Variants in DLG2 observed in about 807,000 individuals in gnomAD.
DLG2 encodes disks large homolog 2.
In DLG2, 45 loss-of-function variants were observed where a neutral mutation model predicts 132.5. The ratio of observed to expected loss-of-function variants is 0.34; its 90% CI spans 0.27 to 0.44. The LOEUF (loss-of-function observed/expected upper bound fraction) is 0.44. Ranked by LOEUF, DLG2 falls within the 20% of genes least tolerant of loss-of-function variation. The pLI is 1.00. For synonymous variants in DLG2, 424 were observed against 419.6 expected, an observed-to-expected ratio of 1.01 and a Z score of -0.13; for missense variants, 1,045 against 1,196.9, an observed-to-expected ratio of 0.87 and a Z score of 1.87.
rs183419265 is a variant in DLG2 at position 83,750,453 on chromosome 11, C to T, written c.1825+36237G>A. 4.8e-3 allele frequency among the ~76,000 whole-genome samples: 727 copies of T among 152,236 alleles called. 2 individuals are homozygous for T. Among genetic ancestry groups the T allele is most frequent in the Non-Finnish European group, 7.4e-3 (505 of 68,006 alleles). ...CCAAATGTAGAATAATAGGACTTTT[C>T]GATTAGATAATTATGCAGTTCAGTT... On this transcript the variant is annotated intron_variant, in intron 18 of 27. Transcript: ENST00000376104.
At chr11:83,648,632 A>C (rs1002510975) in intron 18 of DLG2, among the ~76,000 whole-genome samples, 3 of 152,180 alleles carry the variant, frequency 2.0e-5, no homozygotes, top group East Asian at 3.9e-4. Context: ...GGGAAGGGAT[A>C]AAAGAGCTTT....
intron 6 of DLG2, among the ~76,000 whole-genome samples, chr11:84,993,129 C>T (rs1436798838): frequency 6.6e-6 from 1 of 152,134 alleles, no homozygotes; most frequent in Non-Finnish European, 1.5e-5. Flanking sequence ...TTTGCAGGGA[C>T]ATGGATGAAG....
chr11:84,598,316 A>G (rs1030467222), intron 6 of DLG2, among the ~76,000 whole-genome samples: 1 of 152,110 alleles, frequency 6.6e-6, no homozygotes, highest in African/African-American at 2.4e-5. Context: ...ACAAATTATA[A>G]ATTTGGGCAA....
At chr11:83,995,978 A>T (rs920796415) in intron 11 of DLG2, among the ~76,000 whole-genome samples, 4 of 152,142 alleles carry the variant, frequency 2.6e-5, no homozygotes, top group African/African-American at 9.7e-5. Flanking sequence ...GACAAATGGG[A>T]TCACAACAAG....
Position 83,541,726 on chromosome 11 carries a change from C to T in DLG2, c.2073G>A (p.Leu691=), listed in dbSNP as rs377740540. The change falls in exon 20 of 28, where the codon CTG becomes CTA. Residue 691 remains leucine (L), a synonymous_variant. Coordinates refer to ENST00000376104, the MANE Select transcript of DLG2 (RefSeq NM_001142699.3). Reference sequence around the variant, plus strand: ...CCCCCATCTCCTCACTGTCTCCCTCCAGCATGACTCTCCTGGCTTGCCACC... The same window carrying T: ...CCCCCATCTCCTCACTGTCTCCCTCTAGCATGACTCTCCTGGCTTGCCACC... The part of the protein sequence containing the change: ...DEWWQARRVM[L]EGDSEEMGVI... The T allele has an allele frequency of 9.3e-6, 15 of 1,612,532 alleles. No individual in the cohort carries two copies. In the African/African-American group the frequency reaches 1.9e-4, roughly 20 times the overall value.
chr11:84,779,254 C>T (rs1042982930), intron 6 of DLG2, among the ~76,000 whole-genome samples: 5 of 151,956 alleles, frequency 3.3e-5, no homozygotes, highest in African/African-American at 4.8e-5. Context: ...CCTATTAGTT[C>T]GGTCCCTCTG....
intron 6 of DLG2, among the ~76,000 whole-genome samples, chr11:84,582,438 A>G (rs1035504792): frequency 2.0e-5 from 3 of 148,818 alleles, no homozygotes; most frequent in Non-Finnish European, 3.0e-5. Flanking sequence ...GTTAAAATAC[A>G]TATATATTAT....
At chr11:85,013,777 T>C (rs1252849164) in intron 6 of DLG2, among the ~76,000 whole-genome samples, 1 of 152,192 alleles carries the variant, frequency 6.6e-6, no homozygotes, top group African/African-American at 2.4e-5. Flanking sequence ...TTTAGAAATC[T>C]AGTGAAAAAA....
intron 5 of DLG2, among the ~76,000 whole-genome samples, chr11:85,121,235 T>G (rs2074274210): frequency 6.6e-6 from 1 of 151,986 alleles, no homozygotes; most frequent in African/African-American, 2.4e-5. Flanking sequence ...TTAAAAAAAT[T>G]ATATTATTTC....
intron 19 of DLG2, among the ~76,000 whole-genome samples, chr11:83,551,125 C>T (rs1355554919): frequency 6.6e-6 from 1 of 152,058 alleles, no homozygotes; most frequent in Admixed American, 6.6e-5. Flanking sequence ...ACCTGGGCTT[C>T]TGTATATGAA....
intron 18 of DLG2, among the ~76,000 whole-genome samples, chr11:83,670,566 T>A (rs2076665534): frequency 6.6e-6 from 1 of 151,772 alleles, no homozygotes; most frequent in Admixed American, 6.6e-5. Context: ...TTTTAAGATG[T>A]AAGAAAATTC....
At chr11:84,435,150 T>C (rs2098996865) in intron 7 of DLG2, among the ~76,000 whole-genome samples, 1 of 152,162 alleles carries the variant, frequency 6.6e-6, no homozygotes, top group Admixed American at 6.5e-5. Context: ...CATGCCCCAC[T>C]GTTTTGCAAC....
At chr11:85,030,651 C>T (rs1053718008) in intron 6 of DLG2, among the ~76,000 whole-genome samples, 13 of 152,064 alleles carry the variant, frequency 8.5e-5, no homozygotes, top group Admixed American at 6.5e-4. Flanking sequence ...AATTGGAAAT[C>T]GCTGCCAACT....
intron 3 of DLG2, among the ~76,000 whole-genome samples, chr11:85,347,967 CTTTTTTTTTTTTTTTT>C (rs35083224): frequency 2.5e-4 from 10 of 40,400 alleles, no homozygotes; most frequent in South Asian, 9.6e-4. Context: ...CCACACTTAA[CTTTTTTTTTTTTTTTT>C]TTTTTTTTTT....
At chr11:83,995,472 C>A (rs1360163601) in intron 11 of DLG2, among the ~76,000 whole-genome samples, 1 of 152,064 alleles carries the variant, frequency 6.6e-6, no homozygotes, top group African/African-American at 2.4e-5. Flanking sequence ...TGGTCTCCCT[C>A]CATTTTCCTT....
At chr11:84,982,630 C>A (rs1207567894) in intron 6 of DLG2, among the ~76,000 whole-genome samples, 2 of 151,880 alleles carry the variant, frequency 1.3e-5, no homozygotes, top group Non-Finnish European at 2.9e-5. Flanking sequence ...GGAAACACAG[C>A]CAGAAAATAT....
intron 6 of DLG2, among the ~76,000 whole-genome samples, chr11:84,725,839 T>A (rs1171096006): frequency 1.3e-5 from 2 of 151,820 alleles, no homozygotes; most frequent in African/African-American, 2.4e-5. Context: ...GTGTCACTTG[T>A]CTGATTTTTT....
At chr11:84,387,785 C>G (rs2098776811) in intron 7 of DLG2, among the ~76,000 whole-genome samples, 1 of 152,074 alleles carries the variant, frequency 6.6e-6, no homozygotes, top group Non-Finnish European at 1.5e-5. Context: ...CTCAGAAGAC[C>G]ACGGGATATG....
chr11:84,912,212 C>T (rs1218575928), intron 6 of DLG2, among the ~76,000 whole-genome samples: 3 of 152,164 alleles, frequency 2.0e-5, no homozygotes, highest in Admixed American at 1.3e-4. Context: ...CACAGCGGCG[C>T]GATCTCGATC....
Sources: allele counts gnomAD v4.1 joint callset (sites outside exome capture counted in the v4.1 genomes callset), GRCh38; gene constraint gnomAD v4.1.1; transcripts MANE v1.5; gene names NCBI Gene and HGNC (gene_info 2026-07-23, HGNC 2026-07-21).